KIT: variants seen among roughly 807,000 people sequenced by gnomAD.
KIT encodes the protein mast/stem cell growth factor receptor Kit.
A neutral mutation model predicts 105.7 loss-of-function variants in KIT; 16 were observed. The ratio of observed to expected loss-of-function variants is 0.15; its 90% confidence interval spans 0.10 to 0.23. The LOEUF is 0.23. Among genes scored for constraint, KIT ranks in the 10% least tolerant of loss-of-function variants. KIT has a pLI of 1.00. For missense variants in KIT, 858 were observed against 1,213.8 expected (o/e 0.71, Z 4.36); for synonymous variants, 438 against 441.1 (o/e 0.99, Z 0.09).
chr4:54,702,259 A>G (rs780403552), intron 4 of KIT, among the ~76,000 whole-genome samples: 2 of 152,208 alleles, frequency 1.3e-5, no homozygotes, highest in Non-Finnish European at 2.9e-5. Context: ...ATTTTCTAGT[A>G]GGTACATTAC....
At chr4:54,709,576 C>T in intron 7 of KIT, 37 bp downstream of exon 7, 2 of 1,309,994 alleles carry the variant, frequency 1.5e-6, no homozygotes, top group Non-Finnish European at 2.2e-6. Flanking sequence ...ATTTTTTATT[C>T]TTTTAAAGTT....
chr4:54,681,689 G>A (rs1346747394), intron 1 of KIT, among the ~76,000 whole-genome samples: 3 of 152,130 alleles, frequency 2.0e-5, no homozygotes, highest in Admixed American at 6.5e-5. Flanking sequence ...TGTCAGAGCC[G>A]TAAGTCAAAT....
At chr4:54,723,086 C>G (rs913985041) in intron 7 of KIT, among the ~76,000 whole-genome samples, 1 of 151,922 alleles carries the variant, frequency 6.6e-6, no homozygotes, top group African/African-American at 2.4e-5. Context: ...CTTCCACCCC[C>G]AAAAAGGAGA....
At chr4:54,735,382 AAAAAAAAAAAG>A (rs1266922739) in intron 17 of KIT, among the ~76,000 whole-genome samples, 2 of 151,430 alleles carry the variant, frequency 1.3e-5, no homozygotes, top group Non-Finnish European at 1.5e-5. Context: ...AAAAAAAGAA[AAAAAAAAAAAG>A]CTTTCCCAGT....
intron 7 of KIT, 33 bp from the exon 8 acceptor site, chr4:54,723,551 C>T: frequency 1.4e-6 from 2 of 1,426,580 alleles, no homozygotes; most frequent in Non-Finnish European, 2.0e-6. Flanking sequence ...TTTTCCAGCA[C>T]TCTGACATAT....
intron 2 of KIT, among the ~76,000 whole-genome samples, chr4:54,697,797 TAGA>T (rs1462156463): frequency 1.3e-5 from 2 of 152,174 alleles, no homozygotes; most frequent in African/African-American, 2.4e-5. Flanking sequence ...ACCAAGTGGT[TAGA>T]AGGAGGAAGC....
chr4:54,697,455 A>G (rs572893542), intron 2 of KIT, among the ~76,000 whole-genome samples: 40 of 152,302 alleles, frequency 2.6e-4, no homozygotes, highest in Non-Finnish European at 4.3e-4. Flanking sequence ...TATTGTGTAT[A>G]CGAAATTAGG....
chr4:54,683,551 T>A (rs778144785), intron 1 of KIT, among the ~76,000 whole-genome samples: 3 of 152,172 alleles, frequency 2.0e-5, no homozygotes, highest in Non-Finnish European at 4.4e-5. Context: ...CATTTATACA[T>A]TTCATCTAAT....
At chr4:54,703,959 C>CT in intron 5 of KIT, 67 bp downstream of exon 5, 1 of 1,228,088 alleles carries the variant, frequency 8.1e-7, no homozygotes, top group Non-Finnish European at 1.2e-6. Context: ...TAGACAGTTT[C>CT]TTTTTTATGT....
At position 54,736,837 on chromosome 4, in the gene KIT, T is replaced by A. The variant is rs773119684; in HGVS notation, c.2696+17T>A. 3 of 1,608,896 alleles carry A rather than the reference T, an allele frequency of 1.9e-6. No individual in the cohort carries two copies. The highest frequency in any genetic ancestry group is 2.6e-6 in the Non-Finnish European group (3 of 1,175,518). ...TGCTGAAATGTAAGAGCCAAAAAATTTTTCCTTTAGGTCACGTTTTCCCTT... is the reference window on the plus strand; with the variant it reads ...TGCTGAAATGTAAGAGCCAAAAAATATTTCCTTTAGGTCACGTTTTCCCTT... On this transcript the variant is annotated intron_variant, in intron 19 of 20. Transcript: ENST00000288135.
At chr4:54,698,692 C>CAAAAAAAAA in intron 3 of KIT, 127 bp downstream of exon 3, 1 of 1,026,070 alleles carries the variant, frequency 9.7e-7, no homozygotes, top group Admixed American at 2.0e-5. Context: ...CCCCCAGCTT[C>CAAAAAAAAA]AAAAAATGTC....
intron 1 of KIT, among the ~76,000 whole-genome samples, chr4:54,692,903 C>T (rs867111226): frequency 1.3e-5 from 2 of 152,230 alleles, no homozygotes; most frequent in East Asian, 3.9e-4. Context: ...TTGATGCCAC[C>T]ACAGGCAATA....
rs374997649 is a variant in KIT, at chr4:54,722,506, C to T, written c.1232-1078C>T. 8.5e-5 allele frequency among the ~76,000 whole-genome samples: 13 copies of T among 152,166 alleles called. No individual in the cohort carries two copies. In the South Asian group the frequency reaches 2.3e-3, roughly 27 times the overall value. On this transcript the variant is annotated intron_variant, in intron 7 of 20. Transcript: ENST00000288135. Reference sequence around the variant, plus strand: ...CTGGTATTCAGATGTGTCCACTATGCATGGGGCTCCCGTAATTCTGTGCTT... The same window carrying T: ...CTGGTATTCAGATGTGTCCACTATGTATGGGGCTCCCGTAATTCTGTGCTT...
At chr4:54,668,695 A>G (rs1046045654) in intron 1 of KIT, among the ~76,000 whole-genome samples, 3 of 152,238 alleles carry the variant, frequency 2.0e-5, no homozygotes, top group African/African-American at 7.2e-5. Context: ...TGGAGATTTT[A>G]GAAGTGTGAA....
intron 7 of KIT, among the ~76,000 whole-genome samples, chr4:54,720,600 TA>T (rs1721806745): frequency 6.6e-6 from 1 of 152,188 alleles, no homozygotes; most frequent in African/African-American, 2.4e-5. Flanking sequence ...AAGAATAAAA[TA>T]GAAACTTTTC....
rs2109673016 is a variant in KIT, at chr4:54,698,406, A to G, written c.460A>G (p.Lys154Glu). Reference sequence around the variant, plus strand: ...TTATTCCCTCAAGGGGTGCCAGGGGAAGCCTCTTCCCAAGGACTTGAGGTT... The same window carrying G: ...TTATTCCCTCAAGGGGTGCCAGGGGGAGCCTCTTCCCAAGGACTTGAGGTT... ...TNYSLKGCQG[K>E]PLPKDLRFIP... The change falls in exon 3 of 21, where the codon AAG (lysine) becomes GAG (glutamate). Residue 154 changes from lysine (K) to glutamate (E), a missense_variant. Lys to Glu is a moderately conservative substitution (Grantham distance 56). Coordinates refer to ENST00000288135, the MANE Select transcript of KIT (RefSeq NM_000222.3). 1 of 1,614,174 alleles carries G rather than the reference A, an allele frequency of 6.2e-7. No homozygotes were observed. Among genetic ancestry groups the G allele is most frequent in the Non-Finnish European group, 8.5e-7 (1 of 1,180,028 alleles).
intron 7 of KIT, among the ~76,000 whole-genome samples, chr4:54,717,495 G>A (rs972342171): frequency 1.4e-4 from 21 of 152,168 alleles, no homozygotes; most frequent in African/African-American, 4.8e-4. Context: ...AAAAGCAGGA[G>A]AAACAGGTTT....
At chr4:54,721,046 G>T (rs935844751) in intron 7 of KIT, among the ~76,000 whole-genome samples, 89 of 152,140 alleles carry the variant, frequency 5.8e-4, no homozygotes, top group African/African-American at 2.1e-3. Context: ...CCTTTGGGTG[G>T]GATCTTCATC....
chr4:54,660,047 A>C (rs1417451288), intron 1 of KIT, among the ~76,000 whole-genome samples: 1 of 152,134 alleles, frequency 6.6e-6, no homozygotes, highest in Non-Finnish European at 1.5e-5. Context: ...CTGCATCATG[A>C]AGGATCCTTT....
Sources: gnomAD v4.1 joint callset for allele counts (sites outside exome capture counted in the v4.1 genomes callset) on GRCh38, gnomAD v4.1.1 for gene constraint, MANE v1.5 for transcripts, NCBI Gene and HGNC (gene_info 2026-07-23, HGNC 2026-07-21) for gene names.